Variants in TF observed in about 807,000 individuals in gnomAD.
The protein encoded by TF is transferrin.
Under a neutral mutation model 82.4 loss-of-function variants are expected in TF, and 55 were observed. The observed-to-expected ratio is 0.67, with a 90% CI of 0.54 to 0.84. TF has a LOEUF of 0.84. TF is among the 40% of genes least tolerant of loss of function. The pLI, the probability that TF is intolerant of heterozygous loss-of-function variation, is 0.00. For synonymous variants in TF, 332 were observed against 332.6 expected, an observed-to-expected ratio of 1.00 and a Z score of 0.02; for missense variants, 737 against 868.4, an observed-to-expected ratio of 0.85 and a Z score of 1.90.
intron 16 of TF, 121 bp from the exon 17 acceptor site, chr3:133,778,465 C>A: frequency 9.3e-7 from 1 of 1,072,348 alleles, no homozygotes; most frequent in Non-Finnish European, 1.4e-6. Context: ...GCCCAGTTCA[C>A]AGAAGAGGAG....
the TF span, among the ~76,000 whole-genome samples, chr3:133,718,517 G>T: frequency 1.3e-5 from 2 of 152,136 alleles, no homozygotes; most frequent in Admixed American, 1.3e-4. Context: ...GTGGGGTAGG[G>T]GGATGTGGAG....
the TF span, among the ~76,000 whole-genome samples, chr3:133,737,591 G>T: frequency 2.0e-5 from 3 of 151,944 alleles, no homozygotes; most frequent in African/African-American, 7.2e-5. Flanking sequence ...AGAAAAGAGA[G>T]AAGAGTCAAA....
chr3:133,755,535 C>A (rs1327685680), intron 5 of TF, 40 bp downstream of exon 5: 1 of 1,612,652 alleles, frequency 6.2e-7, no homozygotes, highest in East Asian at 2.2e-5. Context: ...GCCAAAGTGC[C>A]AAATGTCCTC....
chr3:133,700,581 G>A, the TF span, among the ~76,000 whole-genome samples: 1 of 152,180 alleles, frequency 6.6e-6, no homozygotes, highest in African/African-American at 2.4e-5. Flanking sequence ...ATGGCTTGAG[G>A]GTGAGGCAGC....
At chr3:133,729,539 C>T in the TF span, among the ~76,000 whole-genome samples, 2 of 152,176 alleles carry the variant, frequency 1.3e-5, no homozygotes, top group Non-Finnish European at 2.9e-5. Context: ...GGAAGTGACC[C>T]GATTTTCCAG....
At chr3:133,737,591 GAA>G in the TF span, among the ~76,000 whole-genome samples, 1 of 151,826 alleles carries the variant, frequency 6.6e-6, no homozygotes, top group African/African-American at 2.4e-5. Flanking sequence ...AGAAAAGAGA[GAA>G]GAGTCAAATA....
chr3:133,754,261 G>A (rs8177217), intron 3 of TF, among the ~76,000 whole-genome samples: 20,434 of 152,222 alleles, frequency 0.13, 1,497 homozygotes, highest in East Asian at 0.19. Flanking sequence ...ACACATGTGC[G>A]TGTGGCCTTC....
chr3:133,725,062 T>C, the TF span, among the ~76,000 whole-genome samples: 1 of 152,232 alleles, frequency 6.6e-6, no homozygotes, highest in Non-Finnish European at 1.5e-5. Flanking sequence ...ACTGTAGCCT[T>C]GTAATATAGT....
the TF span, among the ~76,000 whole-genome samples, chr3:133,730,786 A>C: frequency 6.6e-6 from 1 of 152,212 alleles, no homozygotes; most frequent in Non-Finnish European, 1.5e-5. Context: ...ATTTTTGTGC[A>C]TTCATAGCTT....
At chr3:133,741,893 A>C (rs1246112761), upstream of TF, among the ~76,000 whole-genome samples, 1 of 152,196 alleles carries the variant, frequency 6.6e-6, no homozygotes, top group African/African-American at 2.4e-5. Context: ...TGTCTTTGTT[A>C]GTTTTTCCTT....
At chr3:133,680,519 A>ATTTCT in the TF span, among the ~76,000 whole-genome samples, 4 of 134,100 alleles carry the variant, frequency 3.0e-5, no homozygotes, top group African/African-American at 1.2e-4. Context: ...TCCACCTTTT[A>ATTTCT]TTTCTTTTCT....
At chr3:133,677,470 C>T in the TF span, among the ~76,000 whole-genome samples, 29 of 152,234 alleles carry the variant, frequency 1.9e-4, no homozygotes, top group Middle Eastern at 6.8e-3. Flanking sequence ...AACCGTGTCT[C>T]TACTAAAAAT....
chr3:133,673,229 G>C, the TF span, among the ~76,000 whole-genome samples: 8 of 152,174 alleles, frequency 5.3e-5, no homozygotes, highest in Non-Finnish European at 8.8e-5. Context: ...AAGTCAAGAG[G>C]AAAGAGATTC....
At position 133,788,569 on chromosome 3, in the gene TF, C is replaced by T. The variant is rs1934746691; in HGVS notation, c.*9949C>T. 1 of 152,258 alleles carries T rather than the reference C, an allele frequency of 6.6e-6. No individual in the cohort carries two copies. Among genetic ancestry groups the T allele is most frequent in the African/African-American group, 2.4e-5 (1 of 41,466 alleles). The allele number at this position is 152,258 out of a possible 1,614,324, so 9.4% of individuals were successfully genotyped here. On this transcript the variant is annotated 3_prime_UTR_variant, in exon 17 of 17. Coordinates refer to ENST00000402696, the MANE Select transcript of TF (RefSeq NM_001063.4). ...CCACTGGTAACATATTTTGGCAAGG[C>T]AGCCAGGAGGTAAGCCCAAAGTTTG... is the stretch of plus-strand genomic sequence containing the variant.
chr3:133,738,088 G>C, the TF span, among the ~76,000 whole-genome samples: 2 of 152,170 alleles, frequency 1.3e-5, no homozygotes, highest in Non-Finnish European at 2.9e-5. Context: ...ACTGAATCCA[G>C]CAGCACATCA....
chr3:133,731,915 G>A, the TF span, among the ~76,000 whole-genome samples: 4 of 152,168 alleles, frequency 2.6e-5, no homozygotes, highest in Non-Finnish European at 4.4e-5. Flanking sequence ...GAATGGACAG[G>A]TGACTGTTAA....
At chr3:133,717,089 T>C in the TF span, among the ~76,000 whole-genome samples, 3 of 152,254 alleles carry the variant, frequency 2.0e-5, no homozygotes, top group Admixed American at 1.3e-4. Flanking sequence ...TTTCTTGCTT[T>C]ATGTTTTCTT....
chr3:133,748,338 C>T, intron 1 of TF, 74 bp from the exon 2 acceptor site: 3 of 1,594,418 alleles, frequency 1.9e-6, no homozygotes, highest in Non-Finnish European at 2.6e-6. Context: ...GCTGTCAAGG[C>T]CTTTCTAGGG....
intron 14 of TF, chr3:133,772,726 TGAAATA>T (rs149360800): frequency 0.9 from 137,094 of 151,724 alleles, 62,047 homozygotes; most frequent in African/African-American, 0.95. Context: ...AACTAAATTT[TGAAATA>T]ATTGTGTGTA....
Sources: gnomAD v4.1 joint callset for allele counts (sites outside exome capture counted in the v4.1 genomes callset) on GRCh38, gnomAD v4.1.1 for gene constraint, MANE v1.5 for transcripts, NCBI Gene and HGNC (gene_info 2026-07-23, HGNC 2026-07-21) for gene names.